The following RPA1 variants were observed in gnomAD, a reference collection of about 807,000 sequenced individuals.
RPA1 encodes replication protein A1.
A neutral mutation model predicts 83.0 loss-of-function variants in RPA1; 49 were observed. That is an observed-to-expected ratio of 0.59 (90% CI 0.47 to 0.75). The LOEUF is 0.75. Ranked by LOEUF, RPA1 falls within the 30% of genes least tolerant of loss-of-function variation. The pLI is 0.00. For synonymous variants in RPA1, 279 were observed against 281.8 expected (o/e 0.99, Z 0.10); for missense variants, 693 against 776.1 (o/e 0.89, Z 1.27).
intron 8 of RPA1, among the ~76,000 whole-genome samples, chr17:1,878,620 C>G (rs1196040301): frequency 6.6e-6 from 1 of 152,222 alleles, no homozygotes; most frequent in Admixed American, 6.5e-5. Flanking sequence ...CCCGTGGCAG[C>G]ACCTTCCTCG....
intron 14 of RPA1, among the ~76,000 whole-genome samples, chr17:1,889,277 T>A (rs1914118405): frequency 1.3e-5 from 2 of 152,260 alleles, no homozygotes; most frequent in South Asian, 2.1e-4. Context: ...ATTTTAAGAA[T>A]TGTTTCTTTC....
At chr17:1,882,313 TA>T (rs1398403926) in intron 12 of RPA1, among the ~76,000 whole-genome samples, 24 of 152,098 alleles carry the variant, frequency 1.6e-4, no homozygotes, top group African/African-American at 5.6e-4. Flanking sequence ...ACTAAGAAGG[TA>T]AATCTACAAG....
rs753437800 is a variant in RPA1 at position 1,872,518 on chromosome 17, C to T, written c.446C>T (p.Ser149Leu). 18 of 1,613,494 alleles carry T rather than the reference C, an allele frequency of 1.1e-5. No homozygotes were observed. The South Asian group carries it at 1.2e-4, about 11-fold the overall frequency. The change falls in exon 6 of 17, where the codon TCG becomes TTG. Residue 149 changes from serine to leucine, a missense_variant. Transcript: ENST00000254719. ...AGGCCCCAGCCGCAGAATGGAAGCT[C>T]GGGAATGGGTGAGATGCCTCACGGG... The part of the protein sequence containing the change: ...SSRPQPQNGS[S>L]GMGSTVSKAY...
intron 4 of RPA1, among the ~76,000 whole-genome samples, chr17:1,848,715 C>T (rs943518340): frequency 1.3e-5 from 2 of 151,636 alleles, no homozygotes; most frequent in African/African-American, 4.8e-5. Flanking sequence ...AGATGTGCAC[C>T]ACCATGCCTG....
At chr17:1,860,722 C>T (rs1367746712) in intron 5 of RPA1, among the ~76,000 whole-genome samples, 2 of 152,144 alleles carry the variant, frequency 1.3e-5, no homozygotes, top group Non-Finnish European at 2.9e-5. Context: ...TGATCCCGGC[C>T]TCTCCGATCA....
chr17:1,840,643 C>T (rs556879885), intron 1 of RPA1, among the ~76,000 whole-genome samples: 1 of 152,284 alleles, frequency 6.6e-6, no homozygotes, highest in Admixed American at 6.5e-5. Context: ...CTCCTGAGCT[C>T]AAGCGATCCT....
At chr17:1,845,700 TAGGG>T (rs944453592) in intron 4 of RPA1, among the ~76,000 whole-genome samples, 12 of 151,594 alleles carry the variant, frequency 7.9e-5, no homozygotes, top group African/African-American at 2.9e-4. Context: ...GGAGACCAGG[TAGGG>T]AGGATCACTT....
chr17:1,891,981 G>T (rs747856406), intron 15 of RPA1, 41 bp downstream of exon 15: 10 of 1,406,598 alleles, frequency 7.1e-6, no homozygotes, highest in Non-Finnish European at 8.9e-6. Flanking sequence ...AACTTTTAAT[G>T]GTTCTCATTC....
chr17:1,898,666 C>T lies in RPA1; in HGVS notation c.*1491C>T, dbSNP rs953410542. On this transcript the variant is annotated 3_prime_UTR_variant, in exon 17 of 17. Transcript: ENST00000254719. The stretch of plus-strand genomic sequence containing the variant: ...GACATAGGGGCCAGCCAGCCCTAGA[C>T]GGGATGACTTCCGTTCCTGAGGACA... 6 of 152,218 alleles carry T rather than the reference C, an allele frequency of 3.9e-5. No individual in the cohort carries two copies. Among genetic ancestry groups the T allele is most frequent in the African/African-American group, 7.2e-5 (3 of 41,436 alleles). The allele number at this position is 152,218 out of a possible 1,614,324, so 9.4% of individuals were successfully genotyped here. A position where few individuals can be genotyped will look rare whatever the true frequency, so the allele number is the denominator to read the frequency against.
chr17:1,853,598 G>A (rs748633717), intron 5 of RPA1, among the ~76,000 whole-genome samples: 2 of 152,122 alleles, frequency 1.3e-5, no homozygotes, highest in African/African-American at 2.4e-5. Context: ...CAGGGAAATC[G>A]CTTGAACCCA....
At chr17:1,835,706 A>G (rs1482835797) in intron 1 of RPA1, among the ~76,000 whole-genome samples, 2 of 152,158 alleles carry the variant, frequency 1.3e-5, no homozygotes, top group Non-Finnish European at 2.9e-5. Flanking sequence ...AGTTAGTATG[A>G]GTTTATTTTA....
rs142419602 is a variant in RPA1 at position 1,860,431 on chromosome 17, C to A, written c.361+7242C>A. 1.5e-3 allele frequency among the ~76,000 whole-genome samples: 231 copies of A among 152,344 alleles called. 1 individual carries two copies. Among genetic ancestry groups the A allele is most frequent in the African/African-American group, 5.4e-3 (226 of 41,584 alleles). On this transcript the variant is annotated intron_variant, in intron 5 of 16. Coordinates refer to ENST00000254719, the MANE Select transcript of RPA1 (RefSeq NM_002945.5). Reference sequence around the variant, plus strand: ...CAAAAGGCTGAATTACAGGCATAAGCTACTGTGCCTGGCCATTGTGTATAC... The same window carrying A: ...CAAAAGGCTGAATTACAGGCATAAGATACTGTGCCTGGCCATTGTGTATAC...
At chr17:1,860,057 CGCCTCA>C (rs1337379517) in intron 5 of RPA1, among the ~76,000 whole-genome samples, 2 of 151,170 alleles carry the variant, frequency 1.3e-5, no homozygotes, top group African/African-American at 4.9e-5. Flanking sequence ...ATGATCTGCC[CGCCTCA>C]GCCTCCCAAA....
intron 5 of RPA1, among the ~76,000 whole-genome samples, chr17:1,869,477 G>T (rs1913300980): frequency 6.6e-6 from 1 of 151,946 alleles, no homozygotes; most frequent in Admixed American, 6.6e-5. Context: ...GGCGGAGGTT[G>T]CAGTGAGCCG....
intron 1 of RPA1, among the ~76,000 whole-genome samples, chr17:1,839,788 GTTTTTTTTTTTT>G (rs71150821): frequency 4.3e-5 from 3 of 68,974 alleles, no homozygotes; most frequent in African/African-American, 1.5e-4. Context: ...CGCCCAGCTA[GTTTTTTTTTTTT>G]TTTTTTTTTT....
chr17:1,856,684 CT>C (rs1331902149), intron 5 of RPA1, among the ~76,000 whole-genome samples: 2 of 150,626 alleles, frequency 1.3e-5, no homozygotes, highest in Non-Finnish European at 3.0e-5. Context: ...TTTTAATTTA[CT>C]TTTTTTATTT....
At chr17:1,891,970 T>C (rs1334399764) in intron 15 of RPA1, 30 bp downstream of exon 15, 6 of 1,461,762 alleles carry the variant, frequency 4.1e-6, no homozygotes, top group East Asian at 2.3e-5. Flanking sequence ...ATAACTTCTA[T>C]AACTTTTAAT....
rs573148325 is a variant in RPA1 at position 1,890,524 on chromosome 17, G to A, written c.1552-1309G>A. ...AAAAGTACAAAAAAATTAGCCAGGC[G>A]TGGTGGCGGGCACCTGCAGTCCCAG... On this transcript the variant is annotated intron_variant, in intron 14 of 16. Coordinates refer to ENST00000254719, the MANE Select transcript of RPA1 (RefSeq NM_002945.5). 1.1e-4 allele frequency among the ~76,000 whole-genome samples: 16 copies of A among 152,174 alleles called. No homozygotes were observed. The East Asian group carries it at 2.5e-3, about 24-fold the overall frequency.
At chr17:1,841,672 A>C (rs1912051705) in intron 1 of RPA1, among the ~76,000 whole-genome samples, 1 of 152,178 alleles carries the variant, frequency 6.6e-6, no homozygotes, top group African/African-American at 2.4e-5. Context: ...ACCACATTGA[A>C]TAAAGGTGTT....
Sources: allele counts gnomAD v4.1 joint callset (sites outside exome capture counted in the v4.1 genomes callset), GRCh38; gene constraint gnomAD v4.1.1; transcripts MANE v1.5; gene names NCBI Gene and HGNC (gene_info 2026-07-23, HGNC 2026-07-21).